Variants in CACNA2D3 observed in about 807,000 individuals in gnomAD.
The protein encoded by CACNA2D3 is calcium voltage-gated channel auxiliary subunit alpha2delta 3.
In CACNA2D3, 60 loss-of-function variants were observed where a neutral mutation model predicts 160.6. The observed-to-expected ratio is 0.37, with a 90% CI of 0.30 to 0.46. The LOEUF (loss-of-function observed/expected upper bound fraction) is 0.46. CACNA2D3 is among the 20% of genes least tolerant of loss of function. CACNA2D3 has a pLI of 1.00. For synonymous variants in CACNA2D3, 558 were observed against 492.9 expected (o/e 1.13, Z -1.75); for missense variants, 1,205 against 1,365.0 (o/e 0.88, Z 1.85).
intron 11 of CACNA2D3, among the ~76,000 whole-genome samples, chr3:54,672,803 C>T (rs193055748): frequency 8.1e-4 from 124 of 152,186 alleles, no homozygotes; most frequent in Middle Eastern, 3.4e-3. Flanking sequence ...CTAGAGTGGT[C>T]GCAAGGATTA....
chr3:55,044,303 A>G (rs1177664216), intron 35 of CACNA2D3, among the ~76,000 whole-genome samples: 3 of 152,144 alleles, frequency 2.0e-5, no homozygotes, highest in Non-Finnish European at 4.4e-5. Context: ...ATAGTTTTCA[A>G]TATAATGATT....
intron 12 of CACNA2D3, among the ~76,000 whole-genome samples, chr3:54,755,427 A>G (rs1207721744): frequency 6.6e-6 from 1 of 152,178 alleles, no homozygotes; most frequent in East Asian, 1.9e-4. Flanking sequence ...ATCTGCTTCT[A>G]TTTGAACAGT....
chr3:54,453,952 A>T (rs991468870), intron 4 of CACNA2D3, among the ~76,000 whole-genome samples: 2 of 152,222 alleles, frequency 1.3e-5, no homozygotes, highest in African/African-American at 4.8e-5. Flanking sequence ...CCCAAACCAC[A>T]TGAGCTGAAA....
intron 27 of CACNA2D3, among the ~76,000 whole-genome samples, chr3:54,942,627 G>C (rs192716686): frequency 4.3e-4 from 66 of 152,098 alleles, no homozygotes; most frequent in Non-Finnish European, 7.8e-4. Flanking sequence ...ACTGGTTCAC[G>C]CCTGTAATTC....
At chr3:54,480,310 C>T (rs1170134234) in intron 4 of CACNA2D3, among the ~76,000 whole-genome samples, 1 of 152,144 alleles carries the variant, frequency 6.6e-6, no homozygotes, top group African/African-American at 2.4e-5. Context: ...CATGCCTTTT[C>T]CTGGGGGTCT....
chr3:55,004,001 C>T (rs1216645687), intron 31 of CACNA2D3, among the ~76,000 whole-genome samples: 1 of 152,188 alleles, frequency 6.6e-6, no homozygotes, highest in African/African-American at 2.4e-5. Context: ...TGAGTCCGAA[C>T]ACATGCTACC....
At chr3:54,211,188 A>G (rs1049757224) in intron 2 of CACNA2D3, among the ~76,000 whole-genome samples, 2 of 151,872 alleles carry the variant, frequency 1.3e-5, no homozygotes, top group African/African-American at 4.8e-5. Context: ...TTTTTTTAAC[A>G]TGTGATAGCA....
At chr3:54,893,169 A>G (rs911146318) in intron 25 of CACNA2D3, among the ~76,000 whole-genome samples, 1 of 152,146 alleles carries the variant, frequency 6.6e-6, no homozygotes, top group African/African-American at 2.4e-5. Flanking sequence ...CCAGCTACTC[A>G]GGAGGCTGAG....
At chr3:54,787,946 A>C (rs1308872505) in intron 13 of CACNA2D3, among the ~76,000 whole-genome samples, 1 of 152,184 alleles carries the variant, frequency 6.6e-6, no homozygotes, top group Non-Finnish European at 1.5e-5. Context: ...TCTTTATGAC[A>C]AAGTGGCATA....
At chr3:55,073,353 G>A in intron 35 of CACNA2D3, 92 bp from the exon 36 acceptor site, 5 of 739,900 alleles carry the variant, frequency 6.8e-6, no homozygotes, top group Non-Finnish European at 1.1e-5. Context: ...TACAAAATAT[G>A]GTAGTTGCTA....
At position 54,856,675 on chromosome 3, in the gene CACNA2D3, C is replaced by T. The variant is rs555886457; in HGVS notation, c.1626+10208C>T. 8.5e-5 allele frequency among the ~76,000 whole-genome samples: 13 copies of T among 152,282 alleles called. No individual in the cohort carries two copies. The East Asian group carries it at 2.1e-3, about 25-fold the overall frequency. On this transcript the variant is annotated intron_variant, in intron 17 of 37. Transcript: ENST00000474759. Reference sequence around the variant, plus strand: ...AAAAATACTACACAATTTGGATAAGCTCGCCAAAAGAAACAAAAATCTGAG... The same window carrying T: ...AAAAATACTACACAATTTGGATAAGTTCGCCAAAAGAAACAAAAATCTGAG...
At chr3:54,238,385 A>G (rs1269801358) in intron 2 of CACNA2D3, among the ~76,000 whole-genome samples, 1 of 152,228 alleles carries the variant, frequency 6.6e-6, no homozygotes, top group African/African-American at 2.4e-5. Context: ...AAATCACCTC[A>G]GTGATTGTGC....
intron 5 of CACNA2D3, among the ~76,000 whole-genome samples, chr3:54,509,465 T>C (rs1701424552): frequency 6.6e-6 from 1 of 152,160 alleles, no homozygotes. Context: ...TTCCTTGTTG[T>C]CTCCCAGCCC....
chr3:54,128,342 C>T (rs939362083), intron 2 of CACNA2D3, among the ~76,000 whole-genome samples: 7 of 152,162 alleles, frequency 4.6e-5, no homozygotes, highest in African/African-American at 1.7e-4. Context: ...CCATCACACC[C>T]GGCACCTGTG....
rs140997438 is a variant in CACNA2D3, at chr3:54,981,594, T to A, written c.2557-3014T>A. ...GGCTAGAAGTCTGACTGGTAAGAAA[T>A]GTTTACCCTTTTATTGGCATCCCAG... On this transcript the variant is annotated intron_variant, in intron 29 of 37. Coordinates refer to ENST00000474759, the MANE Select transcript of CACNA2D3 (RefSeq NM_018398.3). 2.0e-5 allele frequency among the ~76,000 whole-genome samples: 3 copies of A among 152,234 alleles called. No homozygotes were observed. In the East Asian group the frequency reaches 5.8e-4, roughly 30 times the overall value.
intron 17 of CACNA2D3, among the ~76,000 whole-genome samples, chr3:54,848,633 G>T (rs1373971143): frequency 1.3e-5 from 2 of 152,164 alleles, no homozygotes; most frequent in African/African-American, 2.4e-5. Flanking sequence ...ATCTGAATGT[G>T]GTCAATAAGT....
intron 2 of CACNA2D3, among the ~76,000 whole-genome samples, chr3:54,163,153 A>G (rs1237528945): frequency 1.3e-5 from 2 of 152,234 alleles, no homozygotes; most frequent in African/African-American, 4.8e-5. Context: ...ATGTAGGGCT[A>G]TGCAGGTTGT....
intron 2 of CACNA2D3, among the ~76,000 whole-genome samples, chr3:54,293,507 CCAGGTTA>C (rs1426834434): frequency 3.3e-5 from 5 of 151,886 alleles, no homozygotes; most frequent in Non-Finnish European, 7.4e-5. Flanking sequence ...CCAGTTCCAT[CCAGGTTA>C]CTGTGAATGC....
chr3:54,842,896 C>T (rs1038756632), intron 16 of CACNA2D3, among the ~76,000 whole-genome samples: 11 of 151,926 alleles, frequency 7.2e-5, no homozygotes, highest in South Asian at 4.1e-4. Context: ...CCACTGCGCC[C>T]GACCACCTCC....
Sources: gnomAD v4.1 joint callset for allele counts (sites outside exome capture counted in the v4.1 genomes callset) on GRCh38, gnomAD v4.1.1 for gene constraint, MANE v1.5 for transcripts, NCBI Gene and HGNC (gene_info 2026-07-23, HGNC 2026-07-21) for gene names.